The following TMEM68 variants were observed in gnomAD, a reference collection of about 807,000 sequenced individuals.
TMEM68 encodes transmembrane protein 68.
TMEM68 carries 25 observed loss-of-function variants against 36.9 expected under a neutral mutation model. The observed-to-expected ratio is 0.68, with a 90% CI of 0.49 to 0.95. The LOEUF is 0.95. TMEM68 is among the 40% of genes least tolerant of loss of function. The pLI is 0.00. For synonymous variants in TMEM68, 131 were observed against 124.4 expected, an observed-to-expected ratio of 1.05 and a Z score of -0.35; for missense variants, 333 against 392.0, an observed-to-expected ratio of 0.85 and a Z score of 1.27.
rs10674110 is a variant in TMEM68, at chr8:55,750,541, C to CTTT, written c.687+420_687+422dup. On this transcript the variant is annotated intron_variant, in intron 5 of 7. Transcript: ENST00000434581. ...CAAAATGACATTCAAATTCTCCAGT[C>CTTT]TTTTTTTTTTTTTTTTCTGAGACAG... Among the ~76,000 whole-genome samples, 250 of 137,560 alleles carry CTTT rather than the reference C, an allele frequency of 1.8e-3. 14 individuals are homozygous for CTTT. The highest frequency in any genetic ancestry group is 2.0e-3 in the Admixed American group (27 of 13,436). The allele number at this position is 137,560 out of a possible 152,430, so 90.2% of individuals were successfully genotyped here.
intron 1 of TMEM68, among the ~76,000 whole-genome samples, chr8:55,764,796 G>C (rs2130020671): frequency 6.6e-6 from 1 of 152,276 alleles, no homozygotes; most frequent in Non-Finnish European, 1.5e-5. Context: ...TCACCAGCTG[G>C]GCGCAGTGGC....
chr8:55,760,243 G>A (rs142971587), intron 3 of TMEM68, among the ~76,000 whole-genome samples: 1 of 152,244 alleles, frequency 6.6e-6, no homozygotes, highest in East Asian at 1.9e-4. Flanking sequence ...AAGTTGGGAA[G>A]TCAGGATATT....
chr8:55,763,546 C>T (rs1224712589), intron 2 of TMEM68: 3 of 152,132 alleles, frequency 2.0e-5, no homozygotes, highest in African/African-American at 4.8e-5. Flanking sequence ...TGCCACCATG[C>T]CTGGCTAATT....
chr8:55,763,133 A>G (rs1328121300), intron 2 of TMEM68, 105 bp from the exon 3 acceptor site: 1 of 567,602 alleles, frequency 1.8e-6, no homozygotes, highest in Non-Finnish European at 2.9e-6. Flanking sequence ...ACCCAAAATG[A>G]GTAGATGGTT....
At chr8:55,766,126 T>C (rs1414619840) in intron 1 of TMEM68, among the ~76,000 whole-genome samples, 1 of 150,924 alleles carries the variant, frequency 6.6e-6, no homozygotes, top group Non-Finnish European at 1.5e-5. Context: ...GGCACGGGAG[T>C]AGGGGAAAGG....
intron 3 of TMEM68, among the ~76,000 whole-genome samples, chr8:55,759,257 CAAAAAAA>C (rs66513921): frequency 1.6e-5 from 2 of 121,942 alleles, no homozygotes; most frequent in Non-Finnish European, 3.3e-5. Context: ...CCTGTCTCTA[CAAAAAAA>C]AAAAAAAAAA....
chr8:55,754,900 CATATATT>C (rs1329528244), intron 4 of TMEM68, among the ~76,000 whole-genome samples: 3,672 of 123,440 alleles, frequency 0.03, 179 homozygotes, highest in African/African-American at 0.11. Flanking sequence ...ATATAAAATA[CATATATT>C]ATATATTATA....
At chr8:55,759,783 T>C (rs532392953) in intron 3 of TMEM68, among the ~76,000 whole-genome samples, 2 of 152,286 alleles carry the variant, frequency 1.3e-5, no homozygotes, top group South Asian at 2.1e-4. Flanking sequence ...ATTCTATTCA[T>C]GAAAAAAACA....
intron 3 of TMEM68, 131 bp downstream of exon 3, chr8:55,762,504 T>C (rs1174085352): frequency 6.7e-7 from 1 of 1,493,106 alleles, no homozygotes; most frequent in Non-Finnish European, 8.9e-7. Flanking sequence ...TGCAAACAGG[T>C]AACAGGGAAT....
At chr8:55,754,511 G>A (rs906134688) in intron 4 of TMEM68, among the ~76,000 whole-genome samples, 10 of 130,110 alleles carry the variant, frequency 7.7e-5, no homozygotes, top group Non-Finnish European at 1.4e-4. Flanking sequence ...ACACACACAC[G>A]TGTATATATA....
chr8:55,767,031 CCT>C (rs1810986318), intron 1 of TMEM68, among the ~76,000 whole-genome samples: 3 of 149,958 alleles, frequency 2.0e-5, no homozygotes, highest in Middle Eastern at 3.4e-3. Context: ...TATCTTTCTG[CCT>C]CAGTTTCTTC....
chr8:55,767,641 T>TA (rs1448962658), intron 1 of TMEM68, among the ~76,000 whole-genome samples: 1 of 151,418 alleles, frequency 6.6e-6, no homozygotes, highest in Non-Finnish European at 1.5e-5. Flanking sequence ...GAATATAGAG[T>TA]AAAAAAGAAT....
chr8:55,770,655 C>A (rs1337991333), intron 1 of TMEM68, among the ~76,000 whole-genome samples: 1 of 151,676 alleles, frequency 6.6e-6, no homozygotes, highest in Admixed American at 6.6e-5. Flanking sequence ...CCAGCCTGGG[C>A]AACTGAGCAA....
At chr8:55,747,552 G>A (rs1043648614) in intron 5 of TMEM68, 1 of 152,032 alleles carries the variant, frequency 6.6e-6, no homozygotes, top group East Asian at 1.9e-4. Context: ...GGCTAGTCTT[G>A]AACTGGTTTC....
chr8:55,741,187 G>C (rs1415935584), intron 7 of TMEM68, among the ~76,000 whole-genome samples: 1 of 152,134 alleles, frequency 6.6e-6, no homozygotes, highest in Non-Finnish European at 1.5e-5. Context: ...AGCCAAGATC[G>C]CGCCATTGCA....
chr8:55,751,009 C>T lies in TMEM68; in HGVS notation c.642G>A (p.Trp214Ter). Residue 214 changes from tryptophan to a stop codon, truncating the protein, a stop_gained, in exon 5 of 8, where the codon TGG becomes TGA. Transcript: ENST00000434581. LOFTEE classifies it high-confidence loss of function. Reference sequence around the variant, plus strand: ...CCTGAGCAAAGCCTCTGCGATGACCCCATACGATGTTATAAGTTTCATCAC... The same window carrying T: ...CCTGAGCAAAGCCTCTGCGATGACCTCATACGATGTTATAAGTTTCATCAC... ...LISDETYNIV[W>*]GHRRGFAQVA... is the part of the protein sequence containing the mutation. 1 of 1,613,770 alleles carries T rather than the reference C, an allele frequency of 6.2e-7. No individual in the cohort carries two copies.
chr8:55,754,767 T>TAA (rs1433610401), intron 4 of TMEM68, among the ~76,000 whole-genome samples: 11 of 37,964 alleles, frequency 2.9e-4, no homozygotes, highest in African/African-American at 8.8e-4. Context: ...AATACATACA[T>TAA]TATATATTTA....
In TMEM68 at chr8:55,738,770, T is replaced by A. The variant is rs1311545237; in HGVS notation, c.*1362A>T. ...ACTGCAACTCAGGTTTATTTTCACATTGTTTAATTTTATGTACATTTCACA... is the reference window on the plus strand; with the variant it reads ...ACTGCAACTCAGGTTTATTTTCACAATGTTTAATTTTATGTACATTTCACA... On this transcript the variant is annotated 3_prime_UTR_variant, in exon 8 of 8. Coordinates refer to ENST00000434581, the MANE Select transcript of TMEM68 (RefSeq NM_001286657.2). The A allele has an allele frequency of 6.6e-6, 1 of 152,344 alleles. No individual in the cohort carries two copies. Among genetic ancestry groups the A allele is most frequent in the African/African-American group, 2.4e-5 (1 of 41,302 alleles). 9.4% of individuals were successfully genotyped at this position (152,344 alleles called of 1,614,324 possible).
At chr8:55,754,433 A>C (rs1810508274) in intron 4 of TMEM68, among the ~76,000 whole-genome samples, 1 of 123,438 alleles carries the variant, frequency 8.1e-6, no homozygotes, top group South Asian at 2.5e-4. Context: ...ACAGAGCAAG[A>C]CTCTGTCTCG....
Sources: allele counts gnomAD v4.1 joint callset (sites outside exome capture counted in the v4.1 genomes callset), GRCh38; gene constraint gnomAD v4.1.1; transcripts MANE v1.5; gene names NCBI Gene and HGNC (gene_info 2026-07-23, HGNC 2026-07-21).